BCL2L13: variants seen among roughly 807,000 people sequenced by gnomAD.
BCL2L13 encodes BCL2 like 13.
BCL2L13 carries 13 observed loss-of-function variants against 25.8 expected under a neutral mutation model. The observed-to-expected ratio is 0.50, with a 90% confidence interval of 0.33 to 0.80. The LOEUF is 0.80. Ranked by LOEUF, BCL2L13 falls within the 30% of genes least tolerant of loss-of-function variation. BCL2L13 has a pLI of 0.02. For missense variants in BCL2L13, 504 were observed against 574.9 expected, an observed-to-expected ratio of 0.88 and a Z score of 1.26; for synonymous variants, 244 against 230.3, an observed-to-expected ratio of 1.06 and a Z score of -0.54.
chr22:17,654,416 CT>C (rs1357116292), intron 1 of BCL2L13, among the ~76,000 whole-genome samples: 3 of 138,630 alleles, frequency 2.2e-5, no homozygotes, highest in South Asian at 2.3e-4. Context: ...TGTCTTCTCT[CT>C]TTTTTTTTCT....
At chr22:17,644,741 G>C (rs2058413582) in intron 1 of BCL2L13, among the ~76,000 whole-genome samples, 1 of 151,072 alleles carries the variant, frequency 6.6e-6, no homozygotes, top group Admixed American at 6.6e-5. Flanking sequence ...GTTCTGTGAG[G>C]TTAGAGAATA....
intron 6 of BCL2L13, among the ~76,000 whole-genome samples, chr22:17,723,709 T>A (rs1252352958): frequency 6.6e-6 from 1 of 151,948 alleles, no homozygotes; most frequent in Non-Finnish European, 1.5e-5. Context: ...CCGAGGTAGG[T>A]GGATCACGAG....
chr22:17,657,018 C>T (rs1197387645), intron 2 of BCL2L13, among the ~76,000 whole-genome samples: 4 of 152,104 alleles, frequency 2.6e-5, no homozygotes, highest in East Asian at 3.9e-4. Flanking sequence ...GGGGTTTCAC[C>T]CTGTTTCCCA....
chr22:17,712,107 C>T (rs1220312981), intron 6 of BCL2L13, among the ~76,000 whole-genome samples: 1 of 151,434 alleles, frequency 6.6e-6, no homozygotes, highest in African/African-American at 2.4e-5. Context: ...AGTGAAGTAA[C>T]TGATGTTCTT....
At chr22:17,640,101 G>T (rs577282791) in intron 1 of BCL2L13, among the ~76,000 whole-genome samples, 2 of 152,170 alleles carry the variant, frequency 1.3e-5, no homozygotes, top group African/African-American at 4.8e-5. Flanking sequence ...TCATCCCCCC[G>T]CCTCAGCCTC....
chr22:17,683,174 C>T (rs1326766796), intron 2 of BCL2L13, 40 bp from the exon 3 acceptor site: 4 of 1,093,562 alleles, frequency 3.7e-6, no homozygotes, highest in Non-Finnish European at 5.5e-6. Context: ...AATGGTTTCT[C>T]TCTCCCTCTT....
chr22:17,653,353 C>T (rs1205914503), intron 1 of BCL2L13, among the ~76,000 whole-genome samples: 5 of 152,058 alleles, frequency 3.3e-5, no homozygotes, highest in African/African-American at 7.2e-5. Flanking sequence ...AACCTTTTTC[C>T]TATCCATCCT....
At chr22:17,631,783 G>A (rs764287448) in intron 1 of BCL2L13, among the ~76,000 whole-genome samples, 40 of 134,652 alleles carry the variant, frequency 3.0e-4, no homozygotes, top group Non-Finnish European at 5.1e-4. Context: ...GTGCAGTGGC[G>A]CAGTCTCAGC....
In BCL2L13 at chr22:17,695,572, G is replaced by A. The variant is rs181023201; in HGVS notation, c.387-569G>A. Among the ~76,000 whole-genome samples, 7 of 151,968 alleles carry A rather than the reference G, an allele frequency of 4.6e-5. No individual in the cohort carries two copies. In the East Asian group the frequency reaches 1.4e-3, roughly 29 times the overall value. On this transcript the variant is annotated intron_variant, in intron 4 of 6. Coordinates refer to ENST00000317582, the MANE Select transcript of BCL2L13 (RefSeq NM_015367.4). ...CCTGACTTCGTGATCCACCTGCCTC[G>A]GCCTCTCAAAGTGCTGGGATTACAG...
chr22:17,697,984 T>G (rs980781467), intron 5 of BCL2L13, among the ~76,000 whole-genome samples: 4 of 151,984 alleles, frequency 2.6e-5, no homozygotes, highest in Non-Finnish European at 4.4e-5. Context: ...CCCAGCTAAT[T>G]TTTGTATTCT....
intron 2 of BCL2L13, among the ~76,000 whole-genome samples, chr22:17,674,647 A>T (rs534772369): frequency 6.7e-6 from 1 of 150,230 alleles, no homozygotes; most frequent in Admixed American, 6.6e-5. Flanking sequence ...AGTTCTTGCT[A>T]TGTTGCCCAG....
At chr22:17,703,130 G>T (rs369381878) in intron 6 of BCL2L13, 1 of 151,636 alleles carries the variant, frequency 6.6e-6, no homozygotes, top group Admixed American at 6.6e-5. Flanking sequence ...ATTCCAGCCT[G>T]GGCAACAGAG....
intron 6 of BCL2L13, among the ~76,000 whole-genome samples, chr22:17,714,058 C>T (rs1357030519): frequency 6.6e-6 from 1 of 151,420 alleles, no homozygotes; most frequent in Non-Finnish European, 1.5e-5. Context: ...CTTTGGGAGG[C>T]CGAGGCAGGT....
At chr22:17,631,668 G>GTATATATATATA (rs869084263) in intron 1 of BCL2L13, among the ~76,000 whole-genome samples, 6 of 21,860 alleles carry the variant, frequency 2.7e-4, no homozygotes, top group African/African-American at 6.9e-4. Context: ...ATGTGTGTGT[G>GTATATATATATA]TGTATATATA....
chr22:17,657,822 T>TA (rs2058927520), intron 2 of BCL2L13, among the ~76,000 whole-genome samples: 1 of 112,834 alleles, frequency 8.9e-6, no homozygotes, highest in Non-Finnish European at 1.8e-5. Flanking sequence ...GGTTGACATT[T>TA]CTTTTTTTTT....
chr22:17,728,123 G>GC lies in BCL2L13; in HGVS notation c.*595dup, dbSNP rs201121115. 0.014 allele frequency: 2,144 copies of GC among 154,692 alleles called. 55 individuals are homozygous for GC. Among genetic ancestry groups the GC allele is most frequent in the African/African-American group, 0.052 (2,050 of 39,786 alleles). 9.6% of individuals were successfully genotyped at this position (154,692 alleles called of 1,614,324 possible). ...CAGGCTCTGCACCCACTCTTTTTTT[G>GC]CCCCCCGCCCTCATCCTGGAGTGTG... On this transcript the variant is annotated 3_prime_UTR_variant, in exon 7 of 7. Transcript: ENST00000317582.
rs184552926 is a variant in BCL2L13 at position 17,695,228 on chromosome 22, C to T, written c.387-913C>T. On this transcript the variant is annotated intron_variant, in intron 4 of 6. Coordinates refer to ENST00000317582, the MANE Select transcript of BCL2L13 (RefSeq NM_015367.4). ...TGGCTGGGCTAACCACATGGCCCTG[C>T]TTAACTGCAAGGGGCTGGAAAATAT... 5.1e-4 allele frequency among the ~76,000 whole-genome samples: 78 copies of T among 152,298 alleles called. No individual in the cohort carries two copies. In the East Asian group the frequency reaches 0.013, roughly 26 times the overall value.
At chr22:17,713,939 G>A (rs1410113010) in intron 6 of BCL2L13, among the ~76,000 whole-genome samples, 1 of 151,486 alleles carries the variant, frequency 6.6e-6, no homozygotes, top group East Asian at 2.0e-4. Flanking sequence ...TCAGGAGTTC[G>A]AGACCAGCCT....
intron 6 of BCL2L13, among the ~76,000 whole-genome samples, chr22:17,723,918 T>C (rs1420158301): frequency 6.9e-6 from 1 of 145,350 alleles, no homozygotes; most frequent in African/African-American, 2.5e-5. Flanking sequence ...GATGACAGAG[T>C]GAGACTCCGT....
Sources: allele counts gnomAD v4.1 joint callset (sites outside exome capture counted in the v4.1 genomes callset), GRCh38; gene constraint gnomAD v4.1.1; transcripts MANE v1.5; gene names NCBI Gene and HGNC (gene_info 2026-07-23, HGNC 2026-07-21).